MAP4: variants seen among roughly 807,000 people sequenced by gnomAD.
The protein encoded by MAP4 is microtubule associated protein 4, also known as microtubule-associated protein 4.
MAP4 carries 76 observed loss-of-function variants against 170.2 expected under a neutral mutation model. The observed-to-expected ratio is 0.45, with a 90% CI of 0.37 to 0.54. The LOEUF is 0.54. MAP4 is among the 20% of genes least tolerant of loss of function. The pLI is 0.00. For missense variants in MAP4, 2,506 were observed against 2,748.0 expected, an observed-to-expected ratio of 0.91 and a Z score of 1.97; for synonymous variants, 909 against 994.5, an observed-to-expected ratio of 0.91 and a Z score of 1.62.
chr3:47,994,012 T>TAC (rs1187554846), intron 2 of MAP4, among the ~76,000 whole-genome samples: 2 of 152,186 alleles, frequency 1.3e-5, no homozygotes, highest in Non-Finnish European at 2.9e-5. Context: ...GCAACCACCT[T>TAC]ACAACAGTCC....
chr3:47,898,410 G>A (rs1253754965), intron 10 of MAP4, among the ~76,000 whole-genome samples: 1 of 151,880 alleles, frequency 6.6e-6, no homozygotes, highest in Non-Finnish European at 1.5e-5. Context: ...GCTGAGGCAG[G>A]AGAATTGCTT....
intron 1 of MAP4, among the ~76,000 whole-genome samples, chr3:48,059,465 A>G (rs1246188922): frequency 4.3e-5 from 6 of 139,438 alleles, no homozygotes; most frequent in Non-Finnish European, 6.1e-5. Context: ...CAGTGAGCCG[A>G]GATCGTGCCA....
At chr3:47,877,344 C>A in intron 11 of MAP4, 73 bp downstream of exon 11, 1 of 1,130,980 alleles carries the variant, frequency 8.8e-7, no homozygotes, top group Non-Finnish European at 1.3e-6. Context: ...ATTCGTGATT[C>A]AAGCAATAAC....
rs1384709200 is a variant in MAP4 at position 47,940,899 on chromosome 3, CAG to C, written c.293-12551_293-12550del. On this transcript the variant is annotated intron_variant, in intron 3 of 20. Coordinates refer to ENST00000683076, the MANE Select transcript of MAP4 (RefSeq NM_001385682.1). Reference sequence around the variant, plus strand: ...GGAATATTTTTTTCATTTTTGGAGACAGAGTTTTGCTCTTGCTGCCCAGGCTG... The same window carrying C: ...GGAATATTTTTTTCATTTTTGGAGACAGTTTTGCTCTTGCTGCCCAGGCTG... Among the ~76,000 whole-genome samples the C allele has an allele frequency of 8.6e-5, 13 of 151,928 alleles. 1 individual carries two copies. Among genetic ancestry groups the C allele is most frequent in the African/African-American group, 2.9e-4 (12 of 41,448 alleles).
chr3:47,963,962 C>A (rs1050263593), intron 3 of MAP4, among the ~76,000 whole-genome samples: 1 of 152,148 alleles, frequency 6.6e-6, no homozygotes, highest in South Asian at 2.1e-4. Context: ...GAAGAACATT[C>A]CAGGCAGAGA....
chr3:48,041,133 T>C (rs1271032427), intron 1 of MAP4, among the ~76,000 whole-genome samples: 7 of 152,146 alleles, frequency 4.6e-5, no homozygotes, highest in African/African-American at 1.4e-4. Context: ...TATTTTGAGA[T>C]GGAGTTTTGC....
At chr3:47,921,289 A>G (rs1402874676) in intron 5 of MAP4, among the ~76,000 whole-genome samples, 1 of 152,242 alleles carries the variant, frequency 6.6e-6, no homozygotes, top group Non-Finnish European at 1.5e-5. Flanking sequence ...GTGAAAGGCC[A>G]TGTTGATTGT....
At chr3:48,007,386 C>T (rs1242167680) in intron 1 of MAP4, among the ~76,000 whole-genome samples, 4 of 152,184 alleles carry the variant, frequency 2.6e-5, no homozygotes, top group African/African-American at 7.2e-5. Context: ...GGAAGCAACA[C>T]GTTCCTCATT....
chr3:47,914,712 C>T (rs2100037680), intron 8 of MAP4, 105 bp downstream of exon 8: 7 of 1,320,402 alleles, frequency 5.3e-6, no homozygotes, highest in Non-Finnish European at 6.4e-6. Flanking sequence ...ATAAACTATA[C>T]TGCTGATTAC....
At chr3:48,022,393 G>A (rs2100111008) in intron 1 of MAP4, among the ~76,000 whole-genome samples, 2 of 152,112 alleles carry the variant, frequency 1.3e-5, no homozygotes, top group African/African-American at 2.4e-5. Context: ...GTGGCAAGAA[G>A]GGAGGGAGGG....
At chr3:47,933,879 G>A (rs1166855867) in intron 3 of MAP4, among the ~76,000 whole-genome samples, 1 of 152,192 alleles carries the variant, frequency 6.6e-6, no homozygotes, top group Admixed American at 6.5e-5. Flanking sequence ...TGGGATGACA[G>A]GCATGTGTCA....
At chr3:47,998,983 C>G (rs1412466721) in intron 1 of MAP4, 104 bp from the exon 2 acceptor site, 1 of 714,492 alleles carries the variant, frequency 1.4e-6, no homozygotes. Context: ...GAATCAAAAT[C>G]TAAGATTTTA....
intron 3 of MAP4, among the ~76,000 whole-genome samples, chr3:47,955,113 G>C (rs985096087): frequency 5.3e-5 from 8 of 152,134 alleles, no homozygotes; most frequent in East Asian, 1.9e-4. Flanking sequence ...GCAGAAGTCA[G>C]ATGGATCTTA....
chr3:47,880,471 T>G (rs1189531579), intron 10 of MAP4, among the ~76,000 whole-genome samples: 1 of 145,496 alleles, frequency 6.9e-6, no homozygotes, highest in Non-Finnish European at 1.5e-5. Flanking sequence ...TTCAGTTTTT[T>G]TTTTTTTTTT....
At position 47,871,092 on chromosome 3, in the gene MAP4, G is replaced by A; in HGVS notation, c.6015C>T (p.Arg2005=). ...TAKSVPADLS[R]PKSTSTSSMK... is the part of the protein sequence containing the mutation. Reference sequence around the variant, plus strand: ...TGGAACTGGTGGAGGTGCTCTTTGGGCGACTCAAGTCAGCTGCAAAGAAGG... The same window carrying A: ...TGGAACTGGTGGAGGTGCTCTTTGGACGACTCAAGTCAGCTGCAAAGAAGG... Residue 2005 remains arginine (R), a synonymous_variant, in exon 15 of 21, where the codon CGC becomes CGT. Coordinates refer to ENST00000683076, the MANE Select transcript of MAP4 (RefSeq NM_001385682.1). The A allele has an allele frequency of 1.2e-6, 2 of 1,606,994 alleles. No homozygotes were observed. The highest frequency in any genetic ancestry group is 1.7e-6 in the Non-Finnish European group (2 of 1,174,668).
rs1220200556 is a variant in MAP4, at chr3:47,872,033, G to A, written c.5825C>T (p.Ser1942Phe). 6.2e-7 allele frequency: 1 copy of A among 1,614,082 alleles called. No individual in the cohort carries two copies. The highest frequency in any genetic ancestry group is 8.5e-7 in the Non-Finnish European group (1 of 1,180,000). Reference protein sequence around the residue: ...SPSKPASAPASRSGSKSTQTV... With the variant: ...SPSKPASAPAFRSGSKSTQTV... ...CTGAGTGCTCTTGGACCCAGATCTG[G>A]AGGCTGGGGCAGAAGCTGGCTTGGA... The change falls in exon 13 of 21, where the codon TCC becomes TTC. Residue 1942 changes from serine (S) to phenylalanine (F), a missense_variant. Transcript: ENST00000683076.
chr3:48,026,417 G>C (rs2100113140), intron 1 of MAP4, among the ~76,000 whole-genome samples: 1 of 152,214 alleles, frequency 6.6e-6, no homozygotes, highest in Admixed American at 6.5e-5. Context: ...CTTCAGGACA[G>C]AGAGGTATGA....
chr3:48,084,263 T>C (rs1325429217), intron 1 of MAP4, among the ~76,000 whole-genome samples: 1 of 149,508 alleles, frequency 6.7e-6, no homozygotes, highest in Non-Finnish European at 1.5e-5. Context: ...CCAGGTGTGA[T>C]GGTGCACATA....
intron 10 of MAP4, among the ~76,000 whole-genome samples, chr3:47,880,043 T>G (rs2096401738): frequency 6.6e-6 from 1 of 152,198 alleles, no homozygotes; most frequent in Non-Finnish European, 1.5e-5. Context: ...CATGAATGGC[T>G]ATTTGATTCT....
Sources: allele counts gnomAD v4.1 joint callset (sites outside exome capture counted in the v4.1 genomes callset), GRCh38; gene constraint gnomAD v4.1.1; transcripts MANE v1.5; gene names NCBI Gene and HGNC (gene_info 2026-07-23, HGNC 2026-07-21).